Variants in SNX9 observed in about 807,000 individuals in gnomAD.
SNX9 encodes sorting nexin 9, also known as sorting nexin-9.
In SNX9, 44 loss-of-function variants were observed where a neutral mutation model predicts 89.4. The observed-to-expected ratio is 0.49, with a 90% confidence interval of 0.39 to 0.63. The LOEUF is 0.63. Among genes scored for constraint, SNX9 ranks in the 30% least tolerant of loss-of-function variants. The pLI is 0.00. For synonymous variants in SNX9, 236 were observed against 247.8 expected (o/e 0.95, Z 0.45); for missense variants, 578 against 736.1 (o/e 0.79, Z 2.49).
At chr6:157,836,597 CTTT>C (rs781102121) in intron 1 of SNX9, among the ~76,000 whole-genome samples, 3 of 144,038 alleles carry the variant, frequency 2.1e-5, no homozygotes, top group African/African-American at 2.5e-5. Flanking sequence ...TCTTTTCTTT[CTTT>C]TTTTTTTTTT....
intron 1 of SNX9, among the ~76,000 whole-genome samples, chr6:157,830,030 A>T (rs141658868): frequency 6.6e-6 from 1 of 152,194 alleles, no homozygotes; most frequent in Non-Finnish European, 1.5e-5. Flanking sequence ...TTACAAAAAG[A>T]CATAAGGTTA....
intron 1 of SNX9, among the ~76,000 whole-genome samples, chr6:157,824,383 T>C: frequency 6.6e-6 from 1 of 152,230 alleles, no homozygotes; most frequent in East Asian, 1.9e-4. Flanking sequence ...TTAACTGATC[T>C]GTGATACACT....
intron 1 of SNX9, among the ~76,000 whole-genome samples, chr6:157,858,879 C>T (rs1782065167): frequency 6.6e-6 from 1 of 152,120 alleles, no homozygotes; most frequent in Non-Finnish European, 1.5e-5. Flanking sequence ...TGGGGGATAC[C>T]ACCCCCATGA....
intron 5 of SNX9, among the ~76,000 whole-genome samples, chr6:157,900,934 C>T (rs555737245): frequency 9.3e-4 from 142 of 152,276 alleles, no homozygotes; most frequent in African/African-American, 2.9e-3. Context: ...TAAAGAGGCC[C>T]AGAAGAGCCC....
intron 9 of SNX9, among the ~76,000 whole-genome samples, chr6:157,912,251 A>G (rs1253908013): frequency 2.0e-5 from 3 of 152,250 alleles, no homozygotes; most frequent in Non-Finnish European, 2.9e-5. Flanking sequence ...TGGTTAGCAC[A>G]GTGTGTGCTC....
chr6:157,929,296 C>T (rs1358676266), intron 12 of SNX9, among the ~76,000 whole-genome samples: 1 of 152,224 alleles, frequency 6.6e-6, no homozygotes, highest in Non-Finnish European at 1.5e-5. Context: ...TGTCACCACA[C>T]ATGTGGCCCA....
At chr6:157,936,146 C>T in intron 14 of SNX9, 106 bp downstream of exon 14, 2 of 755,156 alleles carry the variant, frequency 2.6e-6, no homozygotes, top group Non-Finnish European at 4.2e-6. Flanking sequence ...GTACCCTCTT[C>T]TTTTCTGTTT....
intron 1 of SNX9, among the ~76,000 whole-genome samples, chr6:157,844,316 G>A (rs1474568408): frequency 1.3e-5 from 2 of 152,174 alleles, no homozygotes; most frequent in Admixed American, 6.5e-5. Flanking sequence ...TTTGGTGGGT[G>A]GGGGAAGCCA....
At chr6:157,911,010 G>T (rs1226692605) in intron 9 of SNX9, among the ~76,000 whole-genome samples, 1 of 152,156 alleles carries the variant, frequency 6.6e-6, no homozygotes, top group Non-Finnish European at 1.5e-5. Context: ...CTCCTAGGGA[G>T]GCTGAGGCAG....
intron 1 of SNX9, among the ~76,000 whole-genome samples, chr6:157,831,938 A>G (rs1425365181): frequency 6.6e-6 from 1 of 152,190 alleles, no homozygotes. Flanking sequence ...TTGCAGAGGG[A>G]AAGGTCAAAA....
At chr6:157,898,121 A>G (rs964791085) in intron 5 of SNX9, among the ~76,000 whole-genome samples, 1 of 152,244 alleles carries the variant, frequency 6.6e-6, no homozygotes, top group African/African-American at 2.4e-5. Flanking sequence ...CTAGGGACGC[A>G]GACCAGATGG....
chr6:157,852,383 G>T (rs1278808404), intron 1 of SNX9, among the ~76,000 whole-genome samples: 1 of 152,078 alleles, frequency 6.6e-6, no homozygotes, highest in Non-Finnish European at 1.5e-5. Context: ...TTAGGCCATG[G>T]TTCTCAGAAT....
intron 1 of SNX9, among the ~76,000 whole-genome samples, chr6:157,850,390 GT>G (rs1180893817): frequency 6.6e-6 from 1 of 152,198 alleles, no homozygotes; most frequent in Non-Finnish European, 1.5e-5. Context: ...AAAGGAATAT[GT>G]GGGGTTGAGG....
At chr6:157,906,818 G>C (rs1213255734) in intron 7 of SNX9, among the ~76,000 whole-genome samples, 1 of 152,154 alleles carries the variant, frequency 6.6e-6, no homozygotes, top group Non-Finnish European at 1.5e-5. Context: ...GTGATATTTA[G>C]TTGTAGATTC....
intron 1 of SNX9, among the ~76,000 whole-genome samples, chr6:157,832,366 T>C (rs976290723): frequency 3.9e-5 from 6 of 152,222 alleles, no homozygotes; most frequent in African/African-American, 9.7e-5. Flanking sequence ...GATGTCAGTA[T>C]GAAAGGCCTG....
chr6:157,927,061 C>A, intron 10 of SNX9, 50 bp from the exon 11 acceptor site: 1 of 1,425,210 alleles, frequency 7.0e-7, no homozygotes, highest in Non-Finnish European at 9.9e-7. Flanking sequence ...ATTTTGAAGA[C>A]CAGTTTGACT....
chr6:157,867,968 C>T (rs187755146), intron 2 of SNX9, among the ~76,000 whole-genome samples: 4 of 152,158 alleles, frequency 2.6e-5, no homozygotes, highest in Non-Finnish European at 5.9e-5. Flanking sequence ...TTTTAGGTAC[C>T]CCATAGTTGT....
At chr6:157,891,320 C>T (rs147002904) in intron 4 of SNX9, among the ~76,000 whole-genome samples, 2 of 152,136 alleles carry the variant, frequency 1.3e-5, no homozygotes, top group African/African-American at 2.4e-5. Context: ...TGAACCGCTG[C>T]GCCTGGCCAA....
chr6:157,840,459 C>T (rs896728986), intron 1 of SNX9, among the ~76,000 whole-genome samples: 13 of 100,046 alleles, frequency 1.3e-4, no homozygotes, highest in African/African-American at 2.8e-4. Flanking sequence ...TTCCTTCCTT[C>T]CTTCCTTCTC....
Sources: allele counts gnomAD v4.1 joint callset (sites outside exome capture counted in the v4.1 genomes callset), GRCh38; gene constraint gnomAD v4.1.1; transcripts MANE v1.5; gene names NCBI Gene and HGNC (gene_info 2026-07-23, HGNC 2026-07-21).